Variants in NEO1 observed in about 807,000 individuals in gnomAD.
NEO1 encodes the protein neogenin.
A neutral mutation model predicts 159.7 loss-of-function variants in NEO1; 63 were observed. The ratio of observed to expected loss-of-function variants is 0.39; its 90% CI spans 0.32 to 0.49. NEO1 has a LOEUF of 0.49. Among genes scored for constraint, NEO1 ranks in the 20% least tolerant of loss-of-function variants. The pLI, the probability that NEO1 is intolerant of heterozygous loss-of-function variation, is 0.85. For synonymous variants in NEO1, 633 were observed against 662.0 expected (o/e 0.96, Z 0.67); for missense variants, 1,615 against 1,831.0 (o/e 0.88, Z 2.15).
At chr15:73,101,117 C>T (rs951087005) in intron 1 of NEO1, among the ~76,000 whole-genome samples, 2 of 152,162 alleles carry the variant, frequency 1.3e-5, no homozygotes, top group Non-Finnish European at 2.9e-5. Context: ...TCCCTTTAAG[C>T]GTTACTTTAG....
chr15:73,072,411 A>G (rs1362843579), intron 1 of NEO1, among the ~76,000 whole-genome samples: 1 of 152,204 alleles, frequency 6.6e-6, no homozygotes, highest in African/African-American at 2.4e-5. Flanking sequence ...CATAAATGAA[A>G]AGGTCATCTG....
intron 7 of NEO1, among the ~76,000 whole-genome samples, chr15:73,229,314 T>C (rs2038775919): frequency 6.6e-6 from 1 of 152,116 alleles, no homozygotes; most frequent in African/African-American, 2.4e-5. Flanking sequence ...ATTTTAATTC[T>C]TTTTGATGCT....
intron 1 of NEO1, among the ~76,000 whole-genome samples, chr15:73,112,128 A>G (rs1451397721): frequency 6.6e-6 from 1 of 152,114 alleles, no homozygotes; most frequent in Non-Finnish European, 1.5e-5. Context: ...ATATGAAATT[A>G]TATAATTTAC....
intron 5 of NEO1, 66 bp downstream of exon 5, chr15:73,136,093 A>G (rs2031728980): frequency 7.1e-7 from 1 of 1,413,538 alleles, no homozygotes; most frequent in Non-Finnish European, 9.5e-7. Flanking sequence ...AATTTTTAAG[A>G]AATATTAACA....
chr15:73,090,103 A>C (rs1373931383), intron 1 of NEO1, among the ~76,000 whole-genome samples: 4 of 152,242 alleles, frequency 2.6e-5, no homozygotes, highest in African/African-American at 9.6e-5. Flanking sequence ...ATGAGATAGA[A>C]CTATAGGAAT....
intron 7 of NEO1, among the ~76,000 whole-genome samples, chr15:73,213,727 C>T (rs899767323): frequency 1.3e-5 from 2 of 152,166 alleles, no homozygotes; most frequent in Admixed American, 1.3e-4. Context: ...CTGCTATAAA[C>T]GTGCACATGA....
At chr15:73,232,549 C>G (rs1048043665) in intron 7 of NEO1, among the ~76,000 whole-genome samples, 1 of 152,228 alleles carries the variant, frequency 6.6e-6, no homozygotes, top group African/African-American at 2.4e-5. Context: ...AACACACACA[C>G]ACAGGTTTCA....
At chr15:73,134,893 G>T (rs1031857072) in intron 4 of NEO1, among the ~76,000 whole-genome samples, 2 of 152,150 alleles carry the variant, frequency 1.3e-5, no homozygotes, top group Non-Finnish European at 2.9e-5. Context: ...GACTAGAAAT[G>T]TAACAGTATT....
At chr15:73,068,870 C>T (rs754847044) in intron 1 of NEO1, among the ~76,000 whole-genome samples, 4 of 151,184 alleles carry the variant, frequency 2.6e-5, no homozygotes, top group Non-Finnish European at 4.4e-5. Flanking sequence ...CTTTTATGTA[C>T]ATTTAGATTG....
At chr15:73,207,356 A>G (rs1337382072) in intron 7 of NEO1, among the ~76,000 whole-genome samples, 1 of 152,242 alleles carries the variant, frequency 6.6e-6, no homozygotes, top group African/African-American at 2.4e-5. Flanking sequence ...TGTTGGAGCT[A>G]GGATATGAAC....
chr15:73,235,170 G>A (rs553574031), intron 7 of NEO1, among the ~76,000 whole-genome samples: 1 of 152,138 alleles, frequency 6.6e-6, no homozygotes, highest in East Asian at 1.9e-4. Flanking sequence ...TTACACTCTC[G>A]CAGTTCACAG....
intron 7 of NEO1, among the ~76,000 whole-genome samples, chr15:73,224,181 A>C (rs904840008): frequency 1.3e-5 from 2 of 152,122 alleles, no homozygotes; most frequent in African/African-American, 4.8e-5. Context: ...TGTTAATCTG[A>C]TAGGTTTTCC....
chr15:73,200,654 T>C (rs2036823459), intron 7 of NEO1, among the ~76,000 whole-genome samples: 1 of 150,842 alleles, frequency 6.6e-6, no homozygotes, highest in African/African-American at 2.4e-5. Flanking sequence ...TAGAGTTGTT[T>C]ATAGTATTCC....
At chr15:73,289,038 T>C (rs2042058982) in intron 24 of NEO1, 108 bp from the exon 25 acceptor site, 2 of 779,032 alleles carry the variant, frequency 2.6e-6, no homozygotes, top group Admixed American at 4.2e-5. Context: ...CTTGTCCCCA[T>C]TATGCTGTTT....
chr15:73,122,542 A>T lies in NEO1; in HGVS notation c.466A>T (p.Ser156Cys), dbSNP rs1489333352. 1.2e-6 allele frequency: 2 copies of T among 1,613,814 alleles called. No individual in the cohort carries two copies. The highest frequency in any genetic ancestry group is 1.7e-6 in the Non-Finnish European group (2 of 1,179,886). ...TTGTCCAGGTCTTCCAAGATTTACCAGCCAACCAGAACCTTCCTCAGTTTA... is the reference window on the plus strand; with the variant it reads ...TTGTCCAGGTCTTCCAAGATTTACCTGCCAACCAGAACCTTCCTCAGTTTA... ...LIVAGLPRFT[S>C]QPEPSSVYAG... The change falls in exon 3 of 29, where the codon AGC (serine) becomes TGC (cysteine). Residue 156 changes from serine to cysteine, a missense_variant. Coordinates refer to ENST00000261908, the MANE Select transcript of NEO1 (RefSeq NM_002499.4).
chr15:73,157,342 C>T (rs1468688136), intron 5 of NEO1, among the ~76,000 whole-genome samples: 1 of 152,228 alleles, frequency 6.6e-6, no homozygotes, highest in Non-Finnish European at 1.5e-5. Context: ...TTCCCAGGAC[C>T]ATCCACAGCT....
At chr15:73,059,500 T>G (rs1355014321) in intron 1 of NEO1, among the ~76,000 whole-genome samples, 1 of 152,198 alleles carries the variant, frequency 6.6e-6, no homozygotes, top group East Asian at 1.9e-4. Flanking sequence ...CGTTTATCTT[T>G]GAGGGCTAAT....
Position 73,236,417 on chromosome 15 carries a change from C to T in NEO1, c.1362C>T (p.Phe454=), listed in dbSNP as rs765189399. 1 of 1,614,160 alleles carries T rather than the reference C, an allele frequency of 6.2e-7. No individual in the cohort carries two copies. The highest frequency in any genetic ancestry group is 8.5e-7 in the Non-Finnish European group (1 of 1,180,030). The change falls in exon 8 of 29, where the codon TTC becomes TTT. Residue 454 remains phenylalanine, a synonymous_variant. Coordinates refer to ENST00000261908, the MANE Select transcript of NEO1 (RefSeq NM_002499.4). ...TGGCCTCCCTGGTCTCTACCCGCTT[C>T]ATCAAATTGACGTGGCGGACACCTG... ...DVVASLVSTR[F]IKLTWRTPAS...
intron 5 of NEO1, among the ~76,000 whole-genome samples, chr15:73,152,403 G>A (rs1032935749): frequency 1.3e-5 from 2 of 152,338 alleles, no homozygotes; most frequent in Non-Finnish European, 2.9e-5. Flanking sequence ...GGTTCAGAGA[G>A]CTTCTGGATA....
Sources: allele counts gnomAD v4.1 joint callset (sites outside exome capture counted in the v4.1 genomes callset), GRCh38; gene constraint gnomAD v4.1.1; transcripts MANE v1.5; gene names NCBI Gene and HGNC (gene_info 2026-07-23, HGNC 2026-07-21).